SLC39A11: variants seen among roughly 807,000 people sequenced by gnomAD.
SLC39A11 encodes solute carrier family 39 member 11, also known as zinc transporter ZIP11.
A neutral mutation model predicts 36.1 loss-of-function variants in SLC39A11; 33 were observed. The ratio of observed to expected loss-of-function variants is 0.91; its 90% CI spans 0.69 to 1.22. The LOEUF is 1.22. Among genes scored for constraint, SLC39A11 ranks in the 50% most tolerant of loss-of-function variants. SLC39A11 has a pLI of 0.00. For synonymous variants in SLC39A11, 166 were observed against 170.3 expected, an observed-to-expected ratio of 0.97 and a Z score of 0.20; for missense variants, 432 against 430.3, an observed-to-expected ratio of 1.00 and a Z score of -0.03.
chr17:72,805,495 G>T (rs2077220396), intron 6 of SLC39A11, among the ~76,000 whole-genome samples: 1 of 152,184 alleles, frequency 6.6e-6, no homozygotes, highest in African/African-American at 2.4e-5. Flanking sequence ...TACAGTGCCC[G>T]ATCTTCTGTG....
intron 4 of SLC39A11, among the ~76,000 whole-genome samples, chr17:72,984,538 G>C (rs1465906894): frequency 6.6e-6 from 1 of 152,160 alleles, no homozygotes; most frequent in African/African-American, 2.4e-5. Flanking sequence ...TCAAAGTGGG[G>C]TCCCCAAGGC....
intron 5 of SLC39A11, among the ~76,000 whole-genome samples, chr17:72,895,097 G>A (rs989975892): frequency 6.6e-6 from 1 of 151,452 alleles, no homozygotes; most frequent in South Asian, 2.1e-4. Context: ...AGTTGCATTG[G>A]TGGGTGCTAG....
chr17:73,059,296 T>C (rs1044827125), intron 3 of SLC39A11, among the ~76,000 whole-genome samples: 1 of 152,216 alleles, frequency 6.6e-6, no homozygotes, highest in African/African-American at 2.4e-5. Flanking sequence ...AGTTTAAAAT[T>C]GTTTTACTTC....
chr17:72,810,842 C>T (rs2077412719), intron 6 of SLC39A11, among the ~76,000 whole-genome samples: 1 of 152,070 alleles, frequency 6.6e-6, no homozygotes, highest in Admixed American at 6.6e-5. Context: ...CACACCACTA[C>T]ATCCGGCTAA....
At chr17:73,031,924 G>A (rs923398783) in intron 3 of SLC39A11, among the ~76,000 whole-genome samples, 1 of 152,144 alleles carries the variant, frequency 6.6e-6, no homozygotes, top group African/African-American at 2.4e-5. Flanking sequence ...TTTTGGGTAG[G>A]ATAGAGTTGA....
intron 4 of SLC39A11, among the ~76,000 whole-genome samples, chr17:72,965,613 T>C (rs1436941716): frequency 6.6e-6 from 1 of 152,178 alleles, no homozygotes; most frequent in Admixed American, 6.5e-5. Flanking sequence ...GCTCAGCAGG[T>C]TCGGTGTATT....
intron 4 of SLC39A11, among the ~76,000 whole-genome samples, chr17:73,020,902 C>T (rs1011174954): frequency 6.6e-6 from 1 of 151,958 alleles, no homozygotes; most frequent in Non-Finnish European, 1.5e-5. Flanking sequence ...AGTCTGGTCT[C>T]GAACTCCTGA....
chr17:72,734,537 C>T (rs1322066351), intron 7 of SLC39A11, among the ~76,000 whole-genome samples: 3 of 152,222 alleles, frequency 2.0e-5, no homozygotes, highest in African/African-American at 4.8e-5. Flanking sequence ...GACTCCACCC[C>T]AGTTAGAGGA....
chr17:72,826,399 G>A (rs546441876), intron 6 of SLC39A11, among the ~76,000 whole-genome samples: 10 of 152,182 alleles, frequency 6.6e-5, no homozygotes, highest in South Asian at 2.1e-4. Flanking sequence ...TAAATTACCC[G>A]GTCTCAGGTA....
Position 72,900,543 on chromosome 17 carries a change from T to A in SLC39A11, c.430+47209A>T, listed in dbSNP as rs142741199. Among the ~76,000 whole-genome samples, 151 of 152,200 alleles carry A rather than the reference T, an allele frequency of 9.9e-4. 1 individual carries two copies. The South Asian group carries it at 0.01, about 10-fold the overall frequency. On this transcript the variant is annotated intron_variant, in intron 5 of 9. Transcript: ENST00000255559. The stretch of plus-strand genomic sequence containing the variant: ...GACCCTGATCCTGGAAGTCTATGGT[T>A]AGGTCCTTGGACTTGGCTCTGACAC...
intron 7 of SLC39A11, among the ~76,000 whole-genome samples, chr17:72,711,821 G>A (rs1157250080): frequency 1.3e-5 from 2 of 152,198 alleles, no homozygotes; most frequent in Non-Finnish European, 2.9e-5. Flanking sequence ...GAAAAATTCA[G>A]AAGTGTGGCA....
intron 5 of SLC39A11, among the ~76,000 whole-genome samples, chr17:72,945,739 G>A (rs534712902): frequency 2.6e-5 from 4 of 152,134 alleles, no homozygotes; most frequent in African/African-American, 4.8e-5. Flanking sequence ...ACCTCACTCC[G>A]CTACCACTTA....
At chr17:72,865,425 A>AAAC (rs1555607553) in intron 5 of SLC39A11, among the ~76,000 whole-genome samples, 6 of 151,700 alleles carry the variant, frequency 4.0e-5, no homozygotes, top group African/African-American at 1.2e-4. Context: ...AAAAAAAAAA[A>AAAC]AACAACTTTG....
chr17:72,774,612 G>C (rs1318209286), intron 6 of SLC39A11, among the ~76,000 whole-genome samples: 1 of 152,138 alleles, frequency 6.6e-6, no homozygotes, highest in African/African-American at 2.4e-5. Context: ...TGCCTGGAGG[G>C]GGACTCTGAT....
chr17:72,971,924 G>A (rs545542027), intron 4 of SLC39A11, among the ~76,000 whole-genome samples: 1 of 152,314 alleles, frequency 6.6e-6, no homozygotes, highest in South Asian at 2.1e-4. Context: ...ACAACCTGTT[G>A]GGACCCGAGC....
intron 4 of SLC39A11, among the ~76,000 whole-genome samples, chr17:73,023,159 T>C (rs1024385368): frequency 6.6e-6 from 1 of 152,082 alleles, no homozygotes; most frequent in African/African-American, 2.4e-5. Flanking sequence ...GACCACTGGT[T>C]CAGAACGCCC....
At position 72,916,678 on chromosome 17, in the gene SLC39A11, C is replaced by T. The variant is rs554552681; in HGVS notation, c.430+31074G>A. On this transcript the variant is annotated intron_variant, in intron 5 of 9. Transcript: ENST00000255559. ...TCAAAACTGCACCAGTGGCCAAGTTCGAGAGATACATCCCAGCCTTCCTCT... is the reference window on the plus strand; with the variant it reads ...TCAAAACTGCACCAGTGGCCAAGTTTGAGAGATACATCCCAGCCTTCCTCT... Among the ~76,000 whole-genome samples, 81 of 152,238 alleles carry T rather than the reference C, an allele frequency of 5.3e-4. 1 individual carries two copies. In the South Asian group the frequency reaches 0.017, roughly 32 times the overall value.
At chr17:72,965,975 C>T (rs2086942958) in intron 4 of SLC39A11, among the ~76,000 whole-genome samples, 1 of 152,230 alleles carries the variant, frequency 6.6e-6, no homozygotes, top group Non-Finnish European at 1.5e-5. Context: ...ACTCCCATTC[C>T]ATGGAAGAGA....
At position 72,831,843 on chromosome 17, in the gene SLC39A11, TGAAGCTGTG is replaced by T. The variant is rs1167082227; in HGVS notation, c.601+17782_601+17790del. On this transcript the variant is annotated intron_variant, in intron 6 of 9. Coordinates refer to ENST00000255559, the MANE Select transcript of SLC39A11 (RefSeq NM_139177.4). The stretch of plus-strand genomic sequence containing the variant: ...TTTCCATTTACCATCTCTGTGTTGC[TGAAGCTGTG>T]GAAGCAACAGTCTCCATGGCTGAGA... Among the ~76,000 whole-genome samples, 4 of 152,358 alleles carry T rather than the reference TGAAGCTGTG, an allele frequency of 2.6e-5. No homozygotes were observed. In the East Asian group the frequency reaches 7.7e-4, roughly 29 times the overall value.
Sources: allele counts gnomAD v4.1 joint callset (sites outside exome capture counted in the v4.1 genomes callset), GRCh38; gene constraint gnomAD v4.1.1; transcripts MANE v1.5; gene names NCBI Gene and HGNC (gene_info 2026-07-23, HGNC 2026-07-21).